PRR5L: variants seen among roughly 807,000 people sequenced by gnomAD.
PRR5L encodes the protein proline-rich protein 5-like.
A neutral mutation model predicts 36.4 loss-of-function variants in PRR5L; 21 were observed. That is an observed-to-expected ratio of 0.58 (90% CI 0.41 to 0.83). The LOEUF is 0.83. PRR5L is among the 40% of genes least tolerant of loss of function. PRR5L has a pLI of 0.00. For missense variants in PRR5L, 381 were observed against 473.3 expected, an observed-to-expected ratio of 0.80 and a Z score of 1.81; for synonymous variants, 188 against 197.0, an observed-to-expected ratio of 0.95 and a Z score of 0.38.
intron 6 of PRR5L, among the ~76,000 whole-genome samples, chr11:36,438,341 T>C (rs1858648428): frequency 6.6e-6 from 1 of 152,206 alleles, no homozygotes; most frequent in African/African-American, 2.4e-5. Context: ...GTGGGCGTCG[T>C]ATGCAGAGGA....
At chr11:36,406,972 G>A (rs1857924562) in intron 3 of PRR5L, among the ~76,000 whole-genome samples, 1 of 152,136 alleles carries the variant, frequency 6.6e-6, no homozygotes, top group African/African-American at 2.4e-5. Context: ...TATGAAATGA[G>A]GATAATAATA....
intron 1 of PRR5L, among the ~76,000 whole-genome samples, chr11:36,378,325 T>C (rs1431607699): frequency 6.6e-6 from 1 of 152,198 alleles, no homozygotes; most frequent in Non-Finnish European, 1.5e-5. Flanking sequence ...TAGTCTTCTC[T>C]GGTTGCAGCC....
intron 1 of PRR5L, among the ~76,000 whole-genome samples, chr11:36,340,155 T>C (rs1170118435): frequency 6.6e-6 from 1 of 152,188 alleles, no homozygotes; most frequent in African/African-American, 2.4e-5. Flanking sequence ...GGCTCACCAA[T>C]CTGTGTGGTT....
chr11:36,445,286 T>C (rs1858805301), intron 6 of PRR5L, among the ~76,000 whole-genome samples: 1 of 152,230 alleles, frequency 6.6e-6, no homozygotes, highest in Non-Finnish European at 1.5e-5. Context: ...CATTTGTATG[T>C]ATGTGTGCAA....
At chr11:36,300,206 C>T (rs138368958) in intron 1 of PRR5L, among the ~76,000 whole-genome samples, 7 of 152,094 alleles carry the variant, frequency 4.6e-5, no homozygotes, top group East Asian at 1.9e-4. Flanking sequence ...ATTTGGCTCA[C>T]GTTTCTGCAG....
chr11:36,301,642 G>A (rs945063270), intron 1 of PRR5L, among the ~76,000 whole-genome samples: 1 of 152,122 alleles, frequency 6.6e-6, no homozygotes, highest in Non-Finnish European at 1.5e-5. Flanking sequence ...ATAAACATAC[G>A]GAGGGGCTGC....
chr11:36,424,639 G>A (rs575106157), intron 4 of PRR5L, among the ~76,000 whole-genome samples: 1 of 152,312 alleles, frequency 6.6e-6, no homozygotes, highest in Non-Finnish European at 1.5e-5. Context: ...GCTATAAGGA[G>A]AACAGAATTA....
At chr11:36,352,044 A>G (rs982980023) in intron 1 of PRR5L, among the ~76,000 whole-genome samples, 1 of 151,924 alleles carries the variant, frequency 6.6e-6, no homozygotes, top group Admixed American at 6.6e-5. Flanking sequence ...TCCCACTAGC[A>G]GTGTAAAAAA....
chr11:36,339,062 T>C (rs201523574), intron 1 of PRR5L, among the ~76,000 whole-genome samples: 2 of 152,218 alleles, frequency 1.3e-5, no homozygotes, highest in East Asian at 3.8e-4. Flanking sequence ...TCTATCATGA[T>C]TGTGAGACCT....
chr11:36,350,906 A>ATATATATATATATTTATATATT (rs1856924115), intron 1 of PRR5L, among the ~76,000 whole-genome samples: 2 of 95,672 alleles, frequency 2.1e-5, no homozygotes, highest in African/African-American at 4.1e-5. Flanking sequence ...TCCATGGTAA[A>ATATATATATATATTTATATATT]TATATATATA....
chr11:36,315,916 G>C lies in PRR5L; in HGVS notation c.-126+19478G>C, dbSNP rs1343072838. On this transcript the variant is annotated intron_variant, in intron 1 of 8. Transcript: ENST00000530639. ...CCTAAGAAGTGGGTGGGCCTGTTAG[G>C]AGCAGAAAACAGCTTTGGAGCCCCT... Among the ~76,000 whole-genome samples the C allele has an allele frequency of 3.3e-5, 5 of 152,318 alleles. No individual in the cohort carries two copies. The East Asian group carries it at 9.6e-4, about 29-fold the overall frequency.
chr11:36,326,380 A>T (rs553002641), intron 1 of PRR5L, among the ~76,000 whole-genome samples: 1 of 151,902 alleles, frequency 6.6e-6, no homozygotes, highest in East Asian at 1.9e-4. Flanking sequence ...ATTAACAACC[A>T]TCTATGATTC....
At chr11:36,409,259 T>A (rs1280917995) in intron 3 of PRR5L, among the ~76,000 whole-genome samples, 1 of 152,134 alleles carries the variant, frequency 6.6e-6, no homozygotes, top group Non-Finnish European at 1.5e-5. Context: ...CTGGGAGGAC[T>A]TTTTCTCGGC....
chr11:36,396,731 G>T (rs1857667742), intron 1 of PRR5L, among the ~76,000 whole-genome samples: 1 of 152,200 alleles, frequency 6.6e-6, no homozygotes, highest in Non-Finnish European at 1.5e-5. Flanking sequence ...GAGAGGTCAA[G>T]TAACTTGATC....
intron 1 of PRR5L, among the ~76,000 whole-genome samples, chr11:36,298,345 A>T (rs1031228131): frequency 3.3e-5 from 5 of 152,336 alleles, no homozygotes; most frequent in African/African-American, 1.2e-4. Context: ...ACATTGTAAT[A>T]TATAATGAAA....
intron 1 of PRR5L, among the ~76,000 whole-genome samples, chr11:36,346,205 G>A (rs1161423021): frequency 3.3e-5 from 5 of 152,126 alleles, no homozygotes; most frequent in Admixed American, 2.6e-4. Context: ...AAACTCCTGT[G>A]TTCAAGCGAT....
intron 1 of PRR5L, among the ~76,000 whole-genome samples, chr11:36,320,572 C>T (rs1370503536): frequency 6.6e-6 from 1 of 152,182 alleles, no homozygotes; most frequent in Non-Finnish European, 1.5e-5. Flanking sequence ...GGACCTCCCT[C>T]ATGTTACATA....
At position 36,420,834 on chromosome 11, in the gene PRR5L, AACACACACACAC is replaced by A. The variant is rs58639707; in HGVS notation, c.294+1564_294+1575del. Among the ~76,000 whole-genome samples, 157 of 139,406 alleles carry A rather than the reference AACACACACACAC, an allele frequency of 1.1e-3. 1 individual carries two copies. The highest frequency in any genetic ancestry group is 5.0e-3 in the Admixed American group (69 of 13,740). The allele number at this position is 139,406 out of a possible 152,430, so 91.5% of individuals were successfully genotyped here. A position where few individuals can be genotyped will look rare whatever the true frequency, so the allele number is the denominator to read the frequency against. ...AAAAGAATGACATGTCAGTTGTTTA[AACACACACACAC>A]ACACACACACACACACACACACACA... On this transcript the variant is annotated intron_variant, in intron 4 of 8. Coordinates refer to ENST00000530639, the MANE Select transcript of PRR5L (RefSeq NM_001160167.2).
At chr11:36,303,806 G>A (rs1167181850) in intron 1 of PRR5L, among the ~76,000 whole-genome samples, 1 of 152,156 alleles carries the variant, frequency 6.6e-6, no homozygotes, top group African/African-American at 2.4e-5. Flanking sequence ...AACAATACAT[G>A]GTCATGTCCC....
Sources: allele counts gnomAD v4.1 joint callset (sites outside exome capture counted in the v4.1 genomes callset), GRCh38; gene constraint gnomAD v4.1.1; transcripts MANE v1.5; gene names NCBI Gene and HGNC (gene_info 2026-07-23, HGNC 2026-07-21).